The following FOCAD variants were observed in gnomAD, a reference collection of about 807,000 sequenced individuals.
The protein encoded by FOCAD is focadhesin.
FOCAD carries 198 observed loss-of-function variants against 225.6 expected under a neutral mutation model. The ratio of observed to expected loss-of-function variants is 0.88; its 90% CI spans 0.78 to 0.99. The LOEUF is 0.99. FOCAD is among the 50% of genes least tolerant of loss of function. FOCAD has a pLI of 0.00. For missense variants in FOCAD, 2,713 were observed against 2,123.6 expected (o/e 1.28, Z -5.46); for synonymous variants, 897 against 755.0 (o/e 1.19, Z -3.08).
chr9:20,897,736 GACT>G (rs1024483697), intron 21 of FOCAD, among the ~76,000 whole-genome samples: 47 of 151,606 alleles, frequency 3.1e-4, no homozygotes, highest in African/African-American at 1.1e-3. Flanking sequence ...TCAAATACAT[GACT>G]ACTATTATTA....
At chr9:20,907,945 C>T (rs1397290545) in intron 22 of FOCAD, among the ~76,000 whole-genome samples, 1 of 152,040 alleles carries the variant, frequency 6.6e-6, no homozygotes, top group Non-Finnish European at 1.5e-5. Flanking sequence ...TCTCTGTACT[C>T]CTAAGGACAG....
At chr9:20,694,456 C>G (rs1011703102) in intron 1 of FOCAD, 3 of 151,490 alleles carry the variant, frequency 2.0e-5, no homozygotes, top group African/African-American at 7.3e-5. Flanking sequence ...AAATGATACT[C>G]TCTATATGTC....
rs781702073 is a variant in FOCAD at position 20,929,466 on chromosome 9, G to A, written c.3187G>A (p.Glu1063Lys). The A allele has an allele frequency of 9.9e-6, 16 of 1,614,128 alleles. No homozygotes were observed. The highest frequency in any genetic ancestry group is 1.4e-5 in the Non-Finnish European group (16 of 1,180,026). ...CATTATCTCTTGCAAAGAGAAGGTT[G>A]AGGAAATCCTGAACATGCTGACTGC... is the stretch of plus-strand genomic sequence containing the variant. ...VFIISCKEKV[E>K]EILNMLTARL... The change falls in exon 27 of 44, where the codon GAG (glutamate) becomes AAG (lysine). Residue 1063 changes from glutamate (E) to lysine (K), a missense_variant. Transcript: ENST00000338382.
chr9:20,895,608 T>G (rs1456405400), intron 21 of FOCAD, among the ~76,000 whole-genome samples: 4 of 151,874 alleles, frequency 2.6e-5, no homozygotes, highest in African/African-American at 9.7e-5. Flanking sequence ...GGTTTATACA[T>G]AAGTATTTCA....
At chr9:20,774,663 G>A (rs1051338746) in intron 8 of FOCAD, among the ~76,000 whole-genome samples, 2 of 152,090 alleles carry the variant, frequency 1.3e-5, no homozygotes, top group African/African-American at 4.8e-5. Context: ...ATTTTAAATT[G>A]TCTTATTTTG....
At chr9:20,757,023 A>G (rs1037324540) in intron 5 of FOCAD, among the ~76,000 whole-genome samples, 7 of 152,116 alleles carry the variant, frequency 4.6e-5, no homozygotes, top group African/African-American at 1.2e-4. Flanking sequence ...TCCGCCTCCC[A>G]AGTTTAAGTG....
chr9:20,660,350 G>A lies in FOCAD; in HGVS notation c.-78+1524G>A, dbSNP rs560464007. 2.6e-5 allele frequency among the ~76,000 whole-genome samples: 4 copies of A among 152,282 alleles called. No homozygotes were observed. The East Asian group carries it at 7.7e-4, about 29-fold the overall frequency. On this transcript the variant is annotated intron_variant, in intron 2 of 45. Transcript: ENST00000380249. ...TTTTAAAGATGAGGAAATTGAGGCA[G>A]AGAAAAAATACCCAAAGTTACTCTC...
intron 2 of FOCAD, among the ~76,000 whole-genome samples, chr9:20,662,204 A>G (rs927125151): frequency 4.0e-5 from 6 of 150,976 alleles, no homozygotes; most frequent in Non-Finnish European, 7.4e-5. Flanking sequence ...GTGTGCATAT[A>G]TGTGTGTGTG....
intron 35 of FOCAD, among the ~76,000 whole-genome samples, chr9:20,972,270 T>C (rs753339033): frequency 2.0e-5 from 3 of 152,158 alleles, no homozygotes; most frequent in Non-Finnish European, 4.4e-5. Context: ...ATTATTTGCA[T>C]ATCCTGGGCA....
intron 23 of FOCAD, among the ~76,000 whole-genome samples, chr9:20,915,389 G>A (rs528555805): frequency 6.6e-6 from 1 of 152,258 alleles, no homozygotes; most frequent in East Asian, 1.9e-4. Context: ...CGTAGAAAGA[G>A]AACCAAAAGA....
chr9:20,716,921 T>A (rs529462953), intron 2 of FOCAD, among the ~76,000 whole-genome samples: 43 of 152,324 alleles, frequency 2.8e-4, no homozygotes, highest in Middle Eastern at 3.4e-3. Flanking sequence ...ATTGGCAGCC[T>A]TTTTTCTTTC....
intron 8 of FOCAD, among the ~76,000 whole-genome samples, chr9:20,774,028 G>A (rs538199004): frequency 6.6e-6 from 1 of 152,320 alleles, no homozygotes; most frequent in South Asian, 2.1e-4. Flanking sequence ...TCTCACAGGA[G>A]CATGAACCCT....
chr9:20,951,166 G>T (rs1285737008), intron 34 of FOCAD, 68 bp downstream of exon 34: 5 of 1,171,480 alleles, frequency 4.3e-6, no homozygotes, highest in Non-Finnish European at 6.4e-6. Flanking sequence ...TCTGTAGTTT[G>T]TTAAGAGCAT....
intron 2 of FOCAD, among the ~76,000 whole-genome samples, chr9:20,659,712 A>T (rs928860288): frequency 1.3e-5 from 2 of 152,258 alleles, no homozygotes; most frequent in Non-Finnish European, 1.5e-5. Flanking sequence ...CAGCTGTAGC[A>T]AACTAATGTA....
chr9:20,936,554 C>T (rs747036137), intron 28 of FOCAD, among the ~76,000 whole-genome samples: 9 of 152,068 alleles, frequency 5.9e-5, no homozygotes, highest in South Asian at 2.1e-4. Flanking sequence ...TGAGGCCGGG[C>T]GCGGTGGCTC....
chr9:20,713,894 A>T (rs1254001654), intron 1 of FOCAD, among the ~76,000 whole-genome samples: 2 of 152,228 alleles, frequency 1.3e-5, no homozygotes, highest in African/African-American at 4.8e-5. Flanking sequence ...GAAGTTAAAA[A>T]TTTTTGACCT....
chr9:20,673,592 A>G (rs971853244), intron 2 of FOCAD, among the ~76,000 whole-genome samples: 1 of 152,056 alleles, frequency 6.6e-6, no homozygotes, highest in African/African-American at 2.4e-5. Context: ...ATTATACTTA[A>G]TTAATTATTA....
At chr9:20,741,698 T>TA (rs1554668393) in intron 5 of FOCAD, among the ~76,000 whole-genome samples, 1 of 149,682 alleles carries the variant, frequency 6.7e-6, no homozygotes, top group Non-Finnish European at 1.5e-5. Context: ...TTTTTTTTTT[T>TA]AACATAGTGG....
chr9:20,725,280 C>G (rs1241110293), intron 4 of FOCAD, among the ~76,000 whole-genome samples: 2 of 152,176 alleles, frequency 1.3e-5, no homozygotes, highest in East Asian at 3.9e-4. Context: ...TCTGCCTTCT[C>G]TTTAATTAGA....
Sources: gnomAD v4.1 joint callset for allele counts (sites outside exome capture counted in the v4.1 genomes callset) on GRCh38, gnomAD v4.1.1 for gene constraint, MANE v1.5 for transcripts, NCBI Gene and HGNC (gene_info 2026-07-23, HGNC 2026-07-21) for gene names.